NOL6: variants seen among roughly 807,000 people sequenced by gnomAD.
NOL6 encodes the protein nucleolar RNA-associated protein.
Under a neutral mutation model 131.7 loss-of-function variants are expected in NOL6, and 33 were observed. The ratio of observed to expected loss-of-function variants is 0.25; its 90% CI spans 0.19 to 0.33. NOL6 has a LOEUF of 0.33. Among genes scored for constraint, NOL6 ranks in the 10% least tolerant of loss-of-function variants. NOL6 has a pLI of 1.00. For synonymous variants in NOL6, 580 were observed against 605.7 expected (o/e 0.96, Z 0.62); for missense variants, 1,297 against 1,494.5 (o/e 0.87, Z 2.18).
chr9:33,464,317 G>A (rs140914895), intron 21 of NOL6, among the ~76,000 whole-genome samples, 156 bp from the exon 22 acceptor site: 3 of 151,976 alleles, frequency 2.0e-5, no homozygotes, highest in South Asian at 2.1e-4. Context: ...AAGGGACATC[G>A]CATTTGCCTC....
At chr9:33,468,719 A>G (rs1261970909) in intron 8 of NOL6, 33 bp downstream of exon 8, 16 of 1,613,584 alleles carry the variant, frequency 9.9e-6, no homozygotes, top group Non-Finnish European at 1.2e-5. Flanking sequence ...GGAGGAGTGG[A>G]GCCCCTGGCC....
At chr9:33,465,654 G>C (rs1234645945) in intron 19 of NOL6, 80 bp downstream of exon 19, 9 of 1,466,338 alleles carry the variant, frequency 6.1e-6, no homozygotes, top group Non-Finnish European at 8.3e-6. Flanking sequence ...TCTGGCCCCT[G>C]GAGAGACAGG....
chr9:33,466,279 C>T (rs1354176513), intron 17 of NOL6, 29 bp downstream of exon 17: 7 of 1,613,598 alleles, frequency 4.3e-6, no homozygotes, highest in Non-Finnish European at 5.9e-6. Flanking sequence ...GGAACTATCC[C>T]TCCCACTCCC....
intron 23 of NOL6, 134 bp from the exon 24 acceptor site, chr9:33,463,575 G>T: frequency 1.2e-6 from 1 of 849,538 alleles, no homozygotes; most frequent in Non-Finnish European, 1.8e-6. Flanking sequence ...CCCATTTGAA[G>T]ACTGAAGCAC....
In NOL6 at chr9:33,462,378, G is replaced by T. The variant is rs1380387973; in HGVS notation, c.*286C>A. ...GGGAGGTCCAGGCCCAGGGCTAATAGGTGGATGGATCTCCTGGGTTCAGTT... is the reference window on the plus strand; with the variant it reads ...GGGAGGTCCAGGCCCAGGGCTAATATGTGGATGGATCTCCTGGGTTCAGTT... On this transcript the variant is annotated 3_prime_UTR_variant, in exon 26 of 26. Transcript: ENST00000297990. The T allele has an allele frequency of 1.6e-6, 1 of 634,382 alleles. No individual in the cohort carries two copies. Among genetic ancestry groups the T allele is most frequent in the Non-Finnish European group, 2.8e-6 (1 of 350,990 alleles). 39.3% of individuals were successfully genotyped at this position (634,382 alleles called of 1,614,324 possible). A position where few individuals can be genotyped will look rare whatever the true frequency, so the allele number is the denominator to read the frequency against.
rs931307522 is a variant in NOL6, at chr9:33,462,343, G to C, written c.*321C>G. The C allele has an allele frequency of 1.3e-5, 9 of 667,466 alleles. No homozygotes were observed. In the East Asian group the frequency reaches 1.9e-4, roughly 14 times the overall value. The allele number at this position is 667,466 out of a possible 1,614,324, so 41.3% of individuals were successfully genotyped here. On this transcript the variant is annotated 3_prime_UTR_variant, in exon 26 of 26. Coordinates refer to ENST00000297990, the MANE Select transcript of NOL6 (RefSeq NM_022917.5). ...CTGGAAGAAGACTAAGAAAGGAGTG[G>C]GAAATCGCAGGGAGGTCCAGGCCCA... is the stretch of plus-strand genomic sequence containing the variant.
At chr9:33,469,825 C>T in intron 4 of NOL6, 158 bp from the exon 5 acceptor site, 1 of 1,055,546 alleles carries the variant, frequency 9.5e-7, no homozygotes. Flanking sequence ...ATCTGGAGAG[C>T]AAAGCTCCAA....
At chr9:33,468,237 A>T in intron 10 of NOL6, 84 bp downstream of exon 10, 1 of 1,608,660 alleles carries the variant, frequency 6.2e-7, no homozygotes, top group Non-Finnish European at 8.5e-7. Flanking sequence ...TTTGAAGAGG[A>T]GTTTCTGGGG....
intron 4 of NOL6, 96 bp downstream of exon 4, chr9:33,469,916 C>T (rs1827360790): frequency 7.6e-7 from 1 of 1,319,460 alleles, no homozygotes; most frequent in Non-Finnish European, 1.0e-6. Flanking sequence ...AGAATTCTGA[C>T]TTCAATCCCC....
chr9:33,463,400 A>T lies in NOL6; in HGVS notation c.3036T>A (p.Ile1012=), dbSNP rs1445280867. 6.2e-7 allele frequency: 1 copy of T among 1,613,936 alleles called. No homozygotes were observed. The highest frequency in any genetic ancestry group is 1.3e-5 in the African/African-American group (1 of 75,024). Residue 1012 remains isoleucine, a synonymous_variant, in exon 24 of 26, where the codon ATT becomes ATA. Coordinates refer to ENST00000297990, the MANE Select transcript of NOL6 (RefSeq NM_022917.5). ...GCGGGATATGGCGAGGAGACAGGCG[A>T]ATCAGCACGTCGTAAATGTCCAAGG... ...RPPLDIYDVL[I]RLSPRHIPRH... is the part of the protein sequence containing the mutation.
In NOL6 at chr9:33,469,259, G is replaced by C. The variant is rs1243502871; in HGVS notation, c.810C>G (p.Thr270=). 3 of 1,614,204 alleles carry C rather than the reference G, an allele frequency of 1.9e-6. No individual in the cohort carries two copies. Among genetic ancestry groups the C allele is most frequent in the Non-Finnish European group, 2.5e-6 (3 of 1,180,036 alleles). The stretch of plus-strand genomic sequence containing the variant: ...ACCAGGCAGAGCGCACATTGTTCTT[G>C]GTTGGCAGCAAGCGGCACGGGCGGA... ...DFFRPCRLLP[T]KNNVRSAWYR... Residue 270 remains threonine, a synonymous_variant, in exon 6 of 26, where the codon ACC becomes ACG. Coordinates refer to ENST00000297990, the MANE Select transcript of NOL6 (RefSeq NM_022917.5).
rs763014336 is a variant in NOL6 at position 33,466,084 on chromosome 9, G to A, written c.2351C>T (p.Thr784Met). Residue 784 changes from threonine to methionine, a missense_variant, in exon 18 of 26, where the codon ACG becomes ATG. Physicochemically the swap from Thr to Met is moderately conservative, Grantham distance 81 (BLOSUM62 -1). Coordinates refer to ENST00000297990, the MANE Select transcript of NOL6 (RefSeq NM_022917.5). ...GLQCRATATH[T>M]DVLKDGFVFR... ...CACCAGCCTAACCTTAAGGACATCC[G>A]TGTGCGTGGCAGTGGCACGGCACTG... 42 of 1,590,894 alleles carry A rather than the reference G, an allele frequency of 2.6e-5. 1 individual carries two copies. In the South Asian group the frequency reaches 3.4e-4, roughly 13 times the overall value.
chr9:33,463,335 C>A lies in NOL6; in HGVS notation c.3101G>T (p.Cys1034Phe). The A allele has an allele frequency of 1.2e-6, 2 of 1,614,112 alleles. No homozygotes were observed. Among genetic ancestry groups the A allele is most frequent in the East Asian group, 2.2e-5 (1 of 44,876 alleles). ...CCCCGGCTGGCTGAGCAGGCCCCGG[C>A]AGAAGGAGGCAGCTGGCGAGTCCAC... is the stretch of plus-strand genomic sequence containing the variant. ...QAVDSPAASF[C>F]RGLLSQPGPS... The change falls in exon 24 of 26, where the codon TGC (cysteine) becomes TTC (phenylalanine). Residue 1034 changes from cysteine to phenylalanine, a missense_variant. By Grantham distance (205) the Cys-to-Phe change is radical. Coordinates refer to ENST00000297990, the MANE Select transcript of NOL6 (RefSeq NM_022917.5).
At chr9:33,472,637 C>A (rs571439472) in intron 1 of NOL6, 1 of 575,712 alleles carries the variant, frequency 1.7e-6, no homozygotes, top group African/African-American at 1.9e-5. Flanking sequence ...TACCTGACAC[C>A]ACAAGCATGG....
In NOL6 at chr9:33,464,026, T is replaced by C. The variant is rs369668891; in HGVS notation, c.2904+11A>G. On this transcript the variant is annotated intron_variant, in intron 22 of 25. Transcript: ENST00000297990. ...AAAACCACACATTAGGGGGCAGGTA[T>C]GGGGTTGAACCTGGGCTGAGGGTCC... is the stretch of plus-strand genomic sequence containing the variant. 1.2e-6 allele frequency: 2 copies of C among 1,612,920 alleles called. No homozygotes were observed. The highest frequency in any genetic ancestry group is 1.3e-5 in the African/African-American group (1 of 74,874).
At chr9:33,468,253 G>A (rs1347312942) in intron 10 of NOL6, 68 bp downstream of exon 10, 5 of 1,608,040 alleles carry the variant, frequency 3.1e-6, no homozygotes, top group Admixed American at 1.7e-5. Context: ...TGGGGTTCTG[G>A]TACTTGCAAA....
chr9:33,469,893 G>A, intron 4 of NOL6, 119 bp downstream of exon 4: 1 of 1,159,724 alleles, frequency 8.6e-7, no homozygotes, highest in South Asian at 1.6e-5. Context: ...GCAATGGTCT[G>A]CTCTTCTGAT....
In NOL6 at chr9:33,462,340, G is replaced by A; in HGVS notation, c.*324C>T. The A allele has an allele frequency of 3.0e-6, 2 of 671,256 alleles. No individual in the cohort carries two copies. The highest frequency in any genetic ancestry group is 5.4e-5 in the East Asian group (2 of 36,938). 41.6% of individuals were successfully genotyped at this position (671,256 alleles called of 1,614,324 possible). On this transcript the variant is annotated 3_prime_UTR_variant, in exon 26 of 26. Coordinates refer to ENST00000297990, the MANE Select transcript of NOL6 (RefSeq NM_022917.5). Reference sequence around the variant, plus strand: ...TTTCTGGAAGAAGACTAAGAAAGGAGTGGGAAATCGCAGGGAGGTCCAGGC... The same window carrying A: ...TTTCTGGAAGAAGACTAAGAAAGGAATGGGAAATCGCAGGGAGGTCCAGGC...
rs771212659 is a variant in NOL6 at position 33,467,830 on chromosome 9, C to T, written c.1463G>A (p.Arg488Gln). ...CTGCAGCTCTGGCCAGAGCTTCAGC[C>T]GGTGGCACGCTGCCTGCAGGCGACT... Reference protein sequence around the residue: ...PLSRLQAACHRLKLWPELQDN... With the variant: ...PLSRLQAACHQLKLWPELQDN... Residue 488 changes from arginine to glutamine, a missense_variant, in exon 12 of 26, where the codon CGG becomes CAG. Arg to Gln is a conservative substitution (Grantham distance 43, BLOSUM62 1). Coordinates refer to ENST00000297990, the MANE Select transcript of NOL6 (RefSeq NM_022917.5). This position sits in a 1 kb window ranked among gnomAD's most constrained non-coding sequence, Gnocchi z 4.4. 10 of 1,600,262 alleles carry T rather than the reference C, an allele frequency of 6.2e-6. No homozygotes were observed. The highest frequency in any genetic ancestry group is 1.7e-5 in the Admixed American group (1 of 58,106).
Sources: gnomAD v4.1 joint callset for allele counts (sites outside exome capture counted in the v4.1 genomes callset) on GRCh38, gnomAD v4.1.1 for gene constraint, Gnocchi (gnomAD v3.1) non-coding constraint, MANE v1.5 for transcripts, NCBI Gene and HGNC (gene_info 2026-07-23, HGNC 2026-07-21) for gene names.